Variants in PON2 observed in about 807,000 individuals in gnomAD.
PON2 encodes the protein serum paraoxonase/arylesterase 2.
Under a neutral mutation model 36.6 loss-of-function variants are expected in PON2, and 27 were observed. The observed-to-expected ratio is 0.74, with a 90% confidence interval of 0.54 to 1.02. The LOEUF (loss-of-function observed/expected upper bound fraction) is 1.02, where lower values mean the gene tolerates loss of function less well. PON2 is among the 50% of genes least tolerant of loss of function. The pLI is 0.00. For missense variants in PON2, 363 were observed against 421.1 expected (o/e 0.86, Z 1.21); for synonymous variants, 149 against 156.3 (o/e 0.95, Z 0.35).
At chr7:95,422,551 A>G (rs867946193) in intron 2 of PON2, among the ~76,000 whole-genome samples, 2 of 152,348 alleles carry the variant, frequency 1.3e-5, no homozygotes, top group Middle Eastern at 6.8e-3. Context: ...AAGTACAAAA[A>G]GCTAGTTTTG....
At chr7:95,425,665 G>A (rs17876082) in intron 1 of PON2, among the ~76,000 whole-genome samples, 32,179 of 152,128 alleles carry the variant, frequency 0.21, 4,223 homozygotes, top group East Asian at 0.62. Context: ...AAGGCTTCTG[G>A]AGTATGGGGC....
chr7:95,425,651 G>A (rs922140850), intron 1 of PON2, among the ~76,000 whole-genome samples: 6 of 152,198 alleles, frequency 3.9e-5, no homozygotes, highest in African/African-American at 1.4e-4. Flanking sequence ...TCTAGACACT[G>A]GGGAAGGCTT....
chr7:95,430,309 AT>A (rs1325194765), intron 1 of PON2, among the ~76,000 whole-genome samples: 1 of 150,276 alleles, frequency 6.7e-6, no homozygotes, highest in Admixed American at 6.6e-5. Context: ...CTACAAAAAA[AT>A]TTTTTTGTTT....
rs984837955 is a variant in PON2 at position 95,405,077 on chromosome 7, G to T, written c.*253C>A. 5.1e-5 allele frequency: 22 copies of T among 430,990 alleles called. No homozygotes were observed. The highest frequency in any genetic ancestry group is 6.8e-4 in the Middle Eastern group (1 of 1,478). 26.7% of individuals were successfully genotyped at this position (430,990 alleles called of 1,614,324 possible). On this transcript the variant is annotated 3_prime_UTR_variant, in exon 9 of 9. Coordinates refer to ENST00000222572, the MANE Select transcript of PON2 (RefSeq NM_000305.3). ...GGAAGGCAAAGGTGAGGCTTACTTT[G>T]TGCAAAATGTATTCACTTTATTCGA...
In PON2 at chr7:95,429,750, A is replaced by G. The variant is rs1278020289; in HGVS notation, c.74+5128T>C. On this transcript the variant is annotated intron_variant, in intron 1 of 8. Transcript: ENST00000222572. ...TACAACTGCTGGGGCTTTATCTCCT[A>G]TGTGCAAGTGATATACAAGCCAGGG... Among the ~76,000 whole-genome samples the G allele has an allele frequency of 5.3e-5, 8 of 152,336 alleles. No homozygotes were observed. The South Asian group carries it at 1.0e-3, about 20-fold the overall frequency.
chr7:95,416,346 G>A, intron 2 of PON2, 49 bp from the exon 3 acceptor site: 1 of 1,588,162 alleles, frequency 6.3e-7, no homozygotes, highest in Non-Finnish European at 8.6e-7. Context: ...TCTGTTATTT[G>A]TTACACAGAG....
intron 2 of PON2, among the ~76,000 whole-genome samples, chr7:95,421,291 C>CT (rs1257298319): frequency 6.6e-6 from 1 of 152,202 alleles, no homozygotes; most frequent in Non-Finnish European, 1.5e-5. Flanking sequence ...ACTTGGCAGT[C>CT]TGTCATGTAA....
chr7:95,426,152 C>T (rs1789311025), intron 1 of PON2, among the ~76,000 whole-genome samples: 1 of 152,100 alleles, frequency 6.6e-6, no homozygotes, highest in African/African-American at 2.4e-5. Context: ...ACTATACTCA[C>T]TACCTGGGTG....
chr7:95,414,308 G>T (rs1360915840), intron 3 of PON2, among the ~76,000 whole-genome samples: 1 of 152,152 alleles, frequency 6.6e-6, no homozygotes, highest in Non-Finnish European at 1.5e-5. Flanking sequence ...ATTTAGAAGA[G>T]AGTACACTCT....
chr7:95,412,365 C>G lies in PON2; in HGVS notation c.314G>C (p.Gly105Ala). ...PRARELRISR[G>A]FDLASFNPHG... ...TGGATTGAATGAGGCCAAATCAAACCCACGACTGATTCTTAATTCCCGTGC... is the reference window on the plus strand; with the variant it reads ...TGGATTGAATGAGGCCAAATCAAACGCACGACTGATTCTTAATTCCCGTGC... Residue 105 changes from glycine to alanine, a missense_variant, in exon 4 of 9, where the codon GGG becomes GCG. Physicochemically the swap from Gly to Ala is moderately conservative, Grantham distance 60. Transcript: ENST00000222572. 3 of 1,614,168 alleles carry G rather than the reference C, an allele frequency of 1.9e-6. No individual in the cohort carries two copies. The highest frequency in any genetic ancestry group is 2.5e-6 in the Non-Finnish European group (3 of 1,180,038).
intron 2 of PON2, 30 bp from the exon 3 acceptor site, chr7:95,416,327 T>C: frequency 6.2e-7 from 1 of 1,610,556 alleles, no homozygotes; most frequent in Non-Finnish European, 8.5e-7. Context: ...ATAAATGTCA[T>C]GTTCAAGTTC....
intron 1 of PON2, among the ~76,000 whole-genome samples, chr7:95,430,734 TG>T (rs1485664352): frequency 4.6e-5 from 7 of 151,736 alleles, no homozygotes; most frequent in Admixed American, 1.3e-4. Context: ...CACTCCAGCC[TG>T]GGTGACAGAG....
intron 2 of PON2, among the ~76,000 whole-genome samples, chr7:95,419,230 T>C (rs1329590208): frequency 6.6e-6 from 1 of 152,194 alleles, no homozygotes; most frequent in Non-Finnish European, 1.5e-5. Flanking sequence ...GTCTACCCCG[T>C]GTCAGTCCAT....
In PON2 at chr7:95,411,735, T is replaced by G. The variant is rs753827402; in HGVS notation, c.412A>C (p.Asn138His). Residue 138 changes from asparagine to histidine, a missense_variant, in exon 5 of 9, where the codon AAT (asparagine) becomes CAT (histidine). Transcript: ENST00000222572. ...TCAAATTTAAAAATTTCCACTGTATTCTTGAATTCTGGGTGGTTTACAACA... is the reference window on the plus strand; with the variant it reads ...TCAAATTTAAAAATTTCCACTGTATGCTTGAATTCTGGGTGGTTTACAACA... ...LFVVNHPEFKNTVEIFKFEEA... is the reference protein window; with the variant it reads ...LFVVNHPEFKHTVEIFKFEEA... The G allele has an allele frequency of 5.6e-6, 9 of 1,613,630 alleles. No homozygotes were observed. Among genetic ancestry groups the G allele is most frequent in the Non-Finnish European group, 6.8e-6 (8 of 1,179,646 alleles).
chr7:95,406,104 T>A lies in PON2; in HGVS notation c.906+15A>T. The A allele has an allele frequency of 6.2e-7, 1 of 1,612,160 alleles. No homozygotes were observed. Among genetic ancestry groups the A allele is most frequent in the Non-Finnish European group, 8.5e-7 (1 of 1,178,524 alleles). On this transcript the variant is annotated intron_variant, in intron 8 of 8. Transcript: ENST00000222572. ...ACTTGAATAATTAAGTTTAAAAAAC[T>A]GAAAATATAAAAACCTCTGACGAGG...
chr7:95,422,723 GTAAAACAAAATAT>G (rs1366754857), intron 2 of PON2, among the ~76,000 whole-genome samples: 2 of 152,154 alleles, frequency 1.3e-5, no homozygotes, highest in Non-Finnish European at 2.9e-5. Flanking sequence ...TTTCTAAAGA[GTAAAACAAAATAT>G]TAAATTGTCT....
chr7:95,434,925 C>A lies in PON2; in HGVS notation c.27G>T (p.Leu9Phe). The A allele has an allele frequency of 2.6e-6, 4 of 1,538,008 alleles. No homozygotes were observed. Among genetic ancestry groups the A allele is most frequent in the Non-Finnish European group, 3.5e-6 (4 of 1,144,780 alleles). MGRLVAVG[L>F]LGIALALLGE... ...CCAGGAGCGCCAGCGCGATCCCCAG[C>A]AAGCCCACAGCCACCAGCCGCCCCA... Residue 9 changes from leucine to phenylalanine, a missense_variant, in exon 1 of 9, where the codon TTG (leucine) becomes TTT (phenylalanine). Transcript: ENST00000222572.
intron 2 of PON2, chr7:95,424,075 A>G: frequency 5.1e-6 from 1 of 195,630 alleles, no homozygotes; most frequent in Non-Finnish European, 1.1e-5. Flanking sequence ...GACACAACCA[A>G]ACCATATTGG....
chr7:95,424,138 G>A (rs1789258918), intron 2 of PON2: 1 of 301,792 alleles, frequency 3.3e-6, no homozygotes, highest in Non-Finnish European at 6.4e-6. Flanking sequence ...TAGTGAGCAG[G>A]GTAAATGCTG....
Sources: gnomAD v4.1 joint callset for allele counts (sites outside exome capture counted in the v4.1 genomes callset) on GRCh38, gnomAD v4.1.1 for gene constraint, MANE v1.5 for transcripts, NCBI Gene and HGNC (gene_info 2026-07-23, HGNC 2026-07-21) for gene names.